The following SCAPER variants were observed in gnomAD, a reference collection of about 807,000 sequenced individuals.
SCAPER encodes S phase cyclin A-associated protein in the endoplasmic reticulum.
Under a neutral mutation model 182.2 loss-of-function variants are expected in SCAPER, and 98 were observed. The ratio of observed to expected loss-of-function variants is 0.54; its 90% CI spans 0.46 to 0.64. The LOEUF is 0.64. Among genes scored for constraint, SCAPER ranks in the 30% least tolerant of loss-of-function variants. The probability of loss-of-function intolerance (pLI) is 0.00; values close to 1 mark genes in which losing one functional copy is unlikely to be tolerated. For synonymous variants in SCAPER, 605 were observed against 564.6 expected (o/e 1.07, Z -1.01); for missense variants, 1,432 against 1,690.0 (o/e 0.85, Z 2.68).
intron 15 of SCAPER, among the ~76,000 whole-genome samples, chr15:76,750,010 G>A (rs886656818): frequency 2.0e-5 from 3 of 151,802 alleles, no homozygotes; most frequent in Non-Finnish European, 4.4e-5. Context: ...TCAAGATAGA[G>A]TGGTACTGGT....
At chr15:76,385,139 C>T (rs1239287329) in intron 27 of SCAPER, 1 of 152,166 alleles carries the variant, frequency 6.6e-6, no homozygotes, top group African/African-American at 2.4e-5. Flanking sequence ...GGTTTTTCAT[C>T]AATACTGCAC....
intron 24 of SCAPER, among the ~76,000 whole-genome samples, chr15:76,492,315 T>C (rs1432615947): frequency 3.3e-5 from 5 of 152,188 alleles, no homozygotes; most frequent in Admixed American, 6.5e-5. Context: ...TCCTAGTTCA[T>C]CTCCACAGAA....
chr15:76,838,819 GAGA>G (rs1382211487), intron 5 of SCAPER, among the ~76,000 whole-genome samples: 1 of 152,110 alleles, frequency 6.6e-6, no homozygotes, highest in African/African-American at 2.4e-5. Context: ...CATTCAACCG[GAGA>G]AGAAGATGCC....
chr15:76,420,042 A>T (rs1177863491), intron 26 of SCAPER, among the ~76,000 whole-genome samples: 1 of 152,164 alleles, frequency 6.6e-6, no homozygotes, highest in African/African-American at 2.4e-5. Context: ...AAACCTTATG[A>T]TCATTTCAAG....
intron 25 of SCAPER, among the ~76,000 whole-genome samples, chr15:76,450,597 A>G (rs894828254): frequency 1.3e-5 from 2 of 152,222 alleles, no homozygotes; most frequent in Admixed American, 6.5e-5. Flanking sequence ...TCTGTTGCCC[A>G]GGCTGGAGTG....
chr15:76,754,285 A>C (rs1327949207), intron 14 of SCAPER, among the ~76,000 whole-genome samples: 3 of 152,178 alleles, frequency 2.0e-5, no homozygotes, highest in Admixed American at 6.5e-5. Context: ...CCTCTACAGA[A>C]ATATTTGCTA....
intron 28 of SCAPER, among the ~76,000 whole-genome samples, chr15:76,379,264 A>C (rs1265223905): frequency 6.6e-6 from 1 of 152,068 alleles, no homozygotes; most frequent in African/African-American, 2.4e-5. Flanking sequence ...GGCAAGACTG[A>C]TAAGAGAGGA....
At chr15:76,895,552 G>A (rs1033686142) in intron 1 of SCAPER, among the ~76,000 whole-genome samples, 1 of 150,392 alleles carries the variant, frequency 6.6e-6, no homozygotes, top group African/African-American at 2.4e-5. Context: ...AAGTACTCAA[G>A]TTAGGAAAAA....
At chr15:76,875,572 G>A (rs2073082891) in intron 2 of SCAPER, among the ~76,000 whole-genome samples, 1 of 152,352 alleles carries the variant, frequency 6.6e-6, no homozygotes, top group African/African-American at 2.4e-5. Flanking sequence ...GAACCTGGGA[G>A]GCGAGGGTTG....
At chr15:76,617,904 T>C (rs1011427743) in intron 22 of SCAPER, among the ~76,000 whole-genome samples, 77 of 152,334 alleles carry the variant, frequency 5.1e-4, no homozygotes, top group African/African-American at 1.9e-3. Context: ...GCAAATACTG[T>C]ATACCACAGT....
At chr15:76,837,470 A>G (rs1369690358) in intron 5 of SCAPER, among the ~76,000 whole-genome samples, 1 of 152,146 alleles carries the variant, frequency 6.6e-6, no homozygotes, top group East Asian at 1.9e-4. Flanking sequence ...GTGTGGAGCA[A>G]AAGGGGGAAA....
intron 23 of SCAPER, among the ~76,000 whole-genome samples, chr15:76,522,385 A>C (rs1197449764): frequency 6.6e-6 from 1 of 152,152 alleles, no homozygotes; most frequent in Non-Finnish European, 1.5e-5. Context: ...GCTGATTTCA[A>C]TTCTATCAAT....
At chr15:76,620,089 T>C (rs1370847127) in intron 22 of SCAPER, among the ~76,000 whole-genome samples, 1 of 152,032 alleles carries the variant, frequency 6.6e-6, no homozygotes, top group Non-Finnish European at 1.5e-5. Flanking sequence ...AAAATATATA[T>C]ATATAAGTTT....
chr15:76,456,947 CTG>C (rs2048781940), intron 25 of SCAPER, among the ~76,000 whole-genome samples: 1 of 152,080 alleles, frequency 6.6e-6, no homozygotes. Flanking sequence ...CACTTTCAAC[CTG>C]TATTTATATG....
At chr15:76,505,006 A>G in intron 23 of SCAPER, 32 bp from the exon 24 acceptor site, 1 of 1,540,738 alleles carries the variant, frequency 6.5e-7, no homozygotes, top group Non-Finnish European at 8.9e-7. Context: ...AGTTAGCCCA[A>G]TTTCCCAGGC....
chr15:76,862,272 A>T (rs897694419), intron 3 of SCAPER, 144 bp downstream of exon 3: 1 of 537,284 alleles, frequency 1.9e-6, no homozygotes, highest in Non-Finnish European at 3.3e-6. Context: ...ATGTGTGTAT[A>T]AAAGCAACAA....
chr15:76,431,100 T>A (rs926902581), intron 26 of SCAPER, among the ~76,000 whole-genome samples: 34 of 130,496 alleles, frequency 2.6e-4, no homozygotes, highest in Non-Finnish European at 8.3e-5. Context: ...TCTGCCATGA[T>A]TGTGAGGTCT....
At chr15:76,746,216 T>C (rs1332833148) in intron 15 of SCAPER, among the ~76,000 whole-genome samples, 1 of 152,220 alleles carries the variant, frequency 6.6e-6, no homozygotes, top group South Asian at 2.1e-4. Flanking sequence ...AAAGGACATA[T>C]AGTTGTCCCT....
intron 22 of SCAPER, among the ~76,000 whole-genome samples, chr15:76,607,635 C>T (rs2050561075): frequency 6.6e-6 from 1 of 152,174 alleles, no homozygotes; most frequent in African/African-American, 2.4e-5. Flanking sequence ...TCCATTCTCC[C>T]CGTCACTTTC....
Sources: allele counts gnomAD v4.1 joint callset (sites outside exome capture counted in the v4.1 genomes callset), GRCh38; gene constraint gnomAD v4.1.1; transcripts MANE v1.5; gene names NCBI Gene and HGNC (gene_info 2026-07-23, HGNC 2026-07-21).